ATP1A2: variants seen among roughly 807,000 people sequenced by gnomAD.
The protein encoded by ATP1A2 is ATPase Na+/K+ transporting subunit alpha 2.
In ATP1A2, 56 loss-of-function variants were observed where a neutral mutation model predicts 113.1. That is an observed-to-expected ratio of 0.49 (90% CI 0.40 to 0.62). ATP1A2 has a LOEUF of 0.62. Among genes scored for constraint, ATP1A2 ranks in the 20% least tolerant of loss-of-function variants. The pLI is 0.00. For missense variants in ATP1A2, 712 were observed against 1,357.8 expected (o/e 0.52, Z 7.47); for synonymous variants, 490 against 526.8 (o/e 0.93, Z 0.96).
intron 21 of ATP1A2, 39 bp from the exon 22 acceptor site, chr1:160,139,854 A>T: frequency 6.2e-7 from 1 of 1,612,370 alleles, no homozygotes; most frequent in Non-Finnish European, 8.5e-7. Context: ...CACCAAGCCA[A>T]CCTCTGATGC....
intron 1 of ATP1A2, among the ~76,000 whole-genome samples, chr1:160,116,561 G>A (rs1215487430): frequency 6.6e-6 from 1 of 150,448 alleles, no homozygotes. Flanking sequence ...CAGTCCACCC[G>A]TCCATGGCAT....
rs151052102 is a variant in ATP1A2 at position 160,135,268 on chromosome 1, C to T, written c.2088C>T (p.Leu696=). 1.9e-5 allele frequency: 30 copies of T among 1,614,020 alleles called. No individual in the cohort carries two copies. The highest frequency in any genetic ancestry group is 3.4e-6 in the Non-Finnish European group (4 of 1,180,044). The change falls in exon 15 of 23, where the codon CTC becomes CTT. Residue 696 remains leucine (L), a synonymous_variant. Transcript: ENST00000361216. The surrounding 1 kb of genome is among the most constrained non-coding windows in gnomAD (Gnocchi z 6.3). ...VFARTSPQQK[L]IIVEGCQRQG... ...CTCGAACGTCTCCCCAGCAGAAGCT[C>T]ATCATTGTGGAGGGATGTCAGAGGC...
chr1:160,139,830 CT>C lies in ATP1A2; in HGVS notation c.2943-60del, dbSNP rs562064951. 555 of 1,610,570 alleles carry C rather than the reference CT, an allele frequency of 3.4e-4. 2 individuals carry two copies. The South Asian group carries it at 3.9e-3, about 11-fold the overall frequency. On this transcript the variant is annotated intron_variant, in intron 21 of 22. Coordinates refer to ENST00000361216, the MANE Select transcript of ATP1A2 (RefSeq NM_000702.4). The stretch of plus-strand genomic sequence containing the variant: ...CAAGTTCTGATCGCTTTGAATGCTC[CT>C]TTATGTGACAGCCACCAAGCCAACC...
intron 20 of ATP1A2, chr1:160,137,233 T>C: frequency 1.3e-6 from 1 of 791,456 alleles, no homozygotes; most frequent in South Asian, 1.7e-5. Context: ...CATTTTGTTA[T>C]TGTCTCTCTC....
At chr1:160,124,946 A>G (rs1220198053) in intron 6 of ATP1A2, among the ~76,000 whole-genome samples, 190 bp from the exon 7 acceptor site, 1 of 152,220 alleles carries the variant, frequency 6.6e-6, no homozygotes, top group Non-Finnish European at 1.5e-5. Context: ...ATAAGAAGTC[A>G]GGAGGAGTCA....
At chr1:160,130,050 G>T (rs201039417) in intron 11 of ATP1A2, 52 bp from the exon 12 acceptor site, 55 of 1,609,750 alleles carry the variant, frequency 3.4e-5, no homozygotes, top group Middle Eastern at 1.6e-4. Flanking sequence ...GCTCTATGCC[G>T]CGCTACCAAG....
chr1:160,118,753 TCTC>T (rs1397684093), intron 1 of ATP1A2, among the ~76,000 whole-genome samples: 1 of 152,090 alleles, frequency 6.6e-6, no homozygotes, highest in Non-Finnish European at 1.5e-5. Flanking sequence ...AGTGTTGACT[TCTC>T]CTTGCATCCC....
Position 160,124,424 on chromosome 1 carries a change from C to T in ATP1A2, c.624C>T (p.Gly208=). 6.2e-7 allele frequency: 1 copy of T among 1,607,466 alleles called. No homozygotes were observed. Among genetic ancestry groups the T allele is most frequent in the Non-Finnish European group, 8.5e-7 (1 of 1,177,100 alleles). Residue 208 remains glycine (G), a synonymous_variant, in exon 6 of 23, where the codon GGC becomes GGT. Transcript: ENST00000361216. ...PADLRIISSH[G]CKVDNSSLTG... ...ACCTCCGGATCATCTCTTCTCATGG[C>T]TGTAAGGTGAGGAGGTCATACCAGA...
In ATP1A2 at chr1:160,142,629, C is replaced by A. The variant is rs980104742; in HGVS notation, c.*1307C>A. The A allele has an allele frequency of 6.6e-6, 1 of 152,236 alleles. No homozygotes were observed. The allele number at this position is 152,236 out of a possible 1,614,324, so 9.4% of individuals were successfully genotyped here. A position where few individuals can be genotyped will look rare whatever the true frequency, so the allele number is the denominator to read the frequency against. ...GGCGAGCCTGGCCAACATGGTGAAA[C>A]CCTGTCTCTACTAAAAGTACAAAAA... On this transcript the variant is annotated 3_prime_UTR_variant, in exon 23 of 23. Coordinates refer to ENST00000361216, the MANE Select transcript of ATP1A2 (RefSeq NM_000702.4).
chr1:160,137,906 T>A (rs534042769), intron 20 of ATP1A2, among the ~76,000 whole-genome samples: 1 of 152,136 alleles, frequency 6.6e-6, no homozygotes, highest in South Asian at 2.1e-4. Context: ...GCCTGTTAGA[T>A]AAATAAAGGT....
At chr1:160,136,038 T>G (rs1369052607) in intron 17 of ATP1A2, 45 bp downstream of exon 17, 1 of 1,613,936 alleles carries the variant, frequency 6.2e-7, no homozygotes, top group East Asian at 2.2e-5. Context: ...GCAATCGTGA[T>G]GGCACAGTGG....
At position 160,130,197 on chromosome 1, in the gene ATP1A2, G is replaced by C. The variant is rs1651726763; in HGVS notation, c.1557G>C (p.Leu519=). The C allele has an allele frequency of 6.2e-7, 1 of 1,614,218 alleles. No individual in the cohort carries two copies. The change falls in exon 12 of 23, where the codon CTG becomes CTC. Residue 519 remains leucine (L), a synonymous_variant. Coordinates refer to ENST00000361216, the MANE Select transcript of ATP1A2 (RefSeq NM_000702.4). ...TTCTGGACCGGTGCTCCACCATCCTGGTGCAGGGCAAGGAGATCCCGCTCG... is the reference window on the plus strand; with the variant it reads ...TTCTGGACCGGTGCTCCACCATCCTCGTGCAGGGCAAGGAGATCCCGCTCG... ...ERILDRCSTI[L]VQGKEIPLDK...
intron 3 of ATP1A2, 98 bp from the exon 4 acceptor site, chr1:160,123,115 G>A (rs1233382823): frequency 1.4e-6 from 2 of 1,396,658 alleles, no homozygotes; most frequent in Non-Finnish European, 2.0e-6. Flanking sequence ...CTTTCCTTCT[G>A]GGCATTCTTC....
chr1:160,140,167 C>A (rs1652090551), intron 22 of ATP1A2, 183 bp downstream of exon 22: 1 of 644,248 alleles, frequency 1.6e-6, no homozygotes, highest in Admixed American at 2.4e-5. Context: ...CTGCCCTCTT[C>A]CCATCAGATT....
intron 3 of ATP1A2, 87 bp from the exon 4 acceptor site, chr1:160,123,126 C>T: frequency 1.3e-6 from 2 of 1,482,318 alleles, no homozygotes; most frequent in Non-Finnish European, 1.9e-6. Flanking sequence ...GGCATTCTTC[C>T]CATGCCCGGG....
At chr1:160,121,673 A>G (rs941658526) in intron 3 of ATP1A2, among the ~76,000 whole-genome samples, 2 of 152,246 alleles carry the variant, frequency 1.3e-5, no homozygotes, top group Non-Finnish European at 1.5e-5. Flanking sequence ...GATGCGTTAC[A>G]TACATTTCTC....
At chr1:160,127,185 T>C (rs761778921) in intron 7 of ATP1A2, among the ~76,000 whole-genome samples, 19 of 152,240 alleles carry the variant, frequency 1.2e-4, no homozygotes, top group Non-Finnish European at 2.8e-4. Flanking sequence ...GGAAAATCCA[T>C]AATGAGTGCT....
chr1:160,127,967 A>C (rs373315052), intron 8 of ATP1A2, 147 bp downstream of exon 8: 2 of 1,176,484 alleles, frequency 1.7e-6, no homozygotes. Flanking sequence ...CACTTAATAC[A>C]TGGCTTAGGG....
At position 160,135,479 on chromosome 1, in the gene ATP1A2, G is replaced by T; in HGVS notation, c.2161G>T (p.Ala721Ser). Residue 721 changes from alanine (A) to serine (S), a missense_variant, in exon 16 of 23, where the codon GCA becomes TCA. Ala to Ser is a moderately conservative substitution (Grantham distance 99). Around this residue, in one of 6 missense-constraint regions of ATP1A2, gnomAD observed 188 missense variants for 438.9 expected, o/e 0.43. Coordinates refer to ENST00000361216, the MANE Select transcript of ATP1A2 (RefSeq NM_000702.4). The surrounding 1 kb of genome is among the most constrained non-coding windows in gnomAD (Gnocchi z 6.3). ...GGGTGACGGGGTGAACGACTCCCCT[G>T]CATTGAAGAAGGCTGACATTGGCAT... The part of the protein sequence containing the change: ...VTGDGVNDSP[A>S]LKKADIGIAM... The T allele has an allele frequency of 6.2e-7, 1 of 1,614,238 alleles. No individual in the cohort carries two copies. The highest frequency in any genetic ancestry group is 8.5e-7 in the Non-Finnish European group (1 of 1,180,044).
Sources: gnomAD v4.1 joint callset for allele counts (sites outside exome capture counted in the v4.1 genomes callset) on GRCh38, gnomAD v4.1.1 for gene constraint, gnomAD v4.1.1 regional missense constraint, Gnocchi (gnomAD v3.1) non-coding constraint, MANE v1.5 for transcripts, NCBI Gene and HGNC (gene_info 2026-07-23, HGNC 2026-07-21) for gene names.